The following KLRG1 variants were observed in gnomAD, a reference collection of about 807,000 sequenced individuals.
The protein encoded by KLRG1 is killer cell lectin like receptor G1.
In KLRG1, 16 loss-of-function variants were observed where a neutral mutation model predicts 21.8. That is an observed-to-expected ratio of 0.73 (90% CI 0.50 to 1.11). The LOEUF (loss-of-function observed/expected upper bound fraction) is 1.11, where lower values mean the gene tolerates loss of function less well. KLRG1 is among the 50% of genes most tolerant of loss of function. The probability of loss-of-function intolerance (pLI) is 0.00; values close to 1 mark genes in which losing one functional copy is unlikely to be tolerated. For missense variants in KLRG1, 173 were observed against 218.3 expected, an observed-to-expected ratio of 0.79 and a Z score of 1.31; for synonymous variants, 69 against 75.9, an observed-to-expected ratio of 0.91 and a Z score of 0.47.
chr12:9,171,670 G>T, the KLRG1 span, among the ~76,000 whole-genome samples: 5 of 152,166 alleles, frequency 3.3e-5, no homozygotes, highest in Non-Finnish European at 5.9e-5. Context: ...GCTGAAAACC[G>T]CATCTCAAGA....
the KLRG1 span, among the ~76,000 whole-genome samples, chr12:9,186,007 C>T: frequency 1.1e-4 from 17 of 151,846 alleles, no homozygotes; most frequent in South Asian, 2.1e-4. Context: ...GGGGTTTCAC[C>T]ATGTTGGCCA....
chr12:9,069,385 T>C, the KLRG1 span, among the ~76,000 whole-genome samples: 1 of 152,210 alleles, frequency 6.6e-6, no homozygotes, highest in Non-Finnish European at 1.5e-5. Flanking sequence ...TTTTTTTCCC[T>C]TTCATATTGT....
the KLRG1 span, among the ~76,000 whole-genome samples, chr12:9,109,048 G>GTT: frequency 1.3e-5 from 2 of 151,978 alleles, no homozygotes; most frequent in Admixed American, 1.3e-4. Flanking sequence ...GTGTGTGTGT[G>GTT]TGTGCAGTTT....
At chr12:9,098,768 G>A in the KLRG1 span, 1 of 1,611,264 alleles carries the variant, frequency 6.2e-7, no homozygotes, top group South Asian at 1.1e-5. Flanking sequence ...TGTGAAATTG[G>A]AACAAAAGGT....
At chr12:9,054,523 T>A in the KLRG1 span, among the ~76,000 whole-genome samples, 1 of 151,898 alleles carries the variant, frequency 6.6e-6, no homozygotes, top group Non-Finnish European at 1.5e-5. Flanking sequence ...TGATCACTTA[T>A]AATTGGGATA....
At chr12:9,185,171 G>A in the KLRG1 span, among the ~76,000 whole-genome samples, 1 of 152,182 alleles carries the variant, frequency 6.6e-6, no homozygotes, top group Non-Finnish European at 1.5e-5. Flanking sequence ...ATCTAAGGAA[G>A]CTAAGAATCA....
chr12:8,989,006 G>T (rs997830769), upstream of KLRG1, among the ~76,000 whole-genome samples: 1 of 152,034 alleles, frequency 6.6e-6, no homozygotes, highest in Non-Finnish European at 1.5e-5. Context: ...AAAAAAATAA[G>T]ACAACAAAGA....
chr12:9,028,529 C>T, the KLRG1 span, among the ~76,000 whole-genome samples: 3 of 149,132 alleles, frequency 2.0e-5, no homozygotes, highest in African/African-American at 5.0e-5. Flanking sequence ...CTGCAACCTC[C>T]GCCTCCCAGG....
chr12:9,124,779 T>G, the KLRG1 span, among the ~76,000 whole-genome samples: 1 of 152,184 alleles, frequency 6.6e-6, no homozygotes, highest in African/African-American at 2.4e-5. Flanking sequence ...GGGCCATGAA[T>G]GGCAGCGGGA....
the KLRG1 span, chr12:9,196,359 A>AGT: frequency 3.3e-5 from 54 of 1,612,872 alleles, no homozygotes; most frequent in Non-Finnish European, 4.0e-5. Context: ...CCTTGTCTAA[A>AGT]GTGTGAATCC....
the KLRG1 span, chr12:9,068,024 A>G: frequency 1.0e-6 from 1 of 980,464 alleles, no homozygotes. Context: ...TGACAGAGTC[A>G]GCGGCCCTCT....
chr12:9,118,262 C>G, the KLRG1 span, among the ~76,000 whole-genome samples: 1 of 152,152 alleles, frequency 6.6e-6, no homozygotes, highest in Non-Finnish European at 1.5e-5. Flanking sequence ...GCCTAGTTGA[C>G]TTCTATGTTT....
the KLRG1 span, among the ~76,000 whole-genome samples, chr12:9,177,443 A>G: frequency 6.6e-6 from 1 of 152,214 alleles, no homozygotes; most frequent in African/African-American, 2.4e-5. Context: ...GGCAGGTCAC[A>G]AGCTAGACCC....
chr12:8,985,330 C>T (rs1204456339), upstream of KLRG1, among the ~76,000 whole-genome samples: 1 of 152,066 alleles, frequency 6.6e-6, no homozygotes, highest in African/African-American at 2.4e-5. Context: ...TGCTTTCACA[C>T]CAGCACTACC....
chr12:9,202,953 C>G, the KLRG1 span, among the ~76,000 whole-genome samples: 1 of 152,106 alleles, frequency 6.6e-6, no homozygotes, highest in East Asian at 1.9e-4. Context: ...TATGTATATT[C>G]TGAAGCAATG....
the KLRG1 span, among the ~76,000 whole-genome samples, chr12:9,043,076 C>CTTTTTT: frequency 7.6e-6 from 1 of 131,196 alleles, no homozygotes; most frequent in African/African-American, 2.9e-5. Flanking sequence ...TGGCAGATAT[C>CTTTTTT]TTTTTTTTTT....
chr12:9,115,435 C>G, the KLRG1 span: 1 of 188,298 alleles, frequency 5.3e-6, no homozygotes, highest in Non-Finnish European at 1.1e-5. Context: ...AGAAAATGGA[C>G]CCTTGAGAAA....
the KLRG1 span, among the ~76,000 whole-genome samples, chr12:9,061,191 C>T: frequency 1.3e-5 from 2 of 152,064 alleles, no homozygotes; most frequent in African/African-American, 2.4e-5. Flanking sequence ...TCATATGATC[C>T]TCCCATCTCA....
the KLRG1 span, chr12:9,154,497 T>G: frequency 9.8e-7 from 1 of 1,019,202 alleles, no homozygotes; most frequent in Non-Finnish European, 1.4e-6. Flanking sequence ...CCTCAAATAT[T>G]CCTAAATACT....
Sources: allele counts gnomAD v4.1 joint callset (sites outside exome capture counted in the v4.1 genomes callset), GRCh38; gene constraint gnomAD v4.1.1; transcripts MANE v1.5; gene names NCBI Gene and HGNC (gene_info 2026-07-23, HGNC 2026-07-21).